The following NKAIN2 variants were observed in gnomAD, a reference collection of about 807,000 sequenced individuals.
NKAIN2 encodes sodium/potassium transporting ATPase interacting 2.
A neutral mutation model predicts 32.6 loss-of-function variants in NKAIN2; 14 were observed. The ratio of observed to expected loss-of-function variants is 0.43; its 90% confidence interval spans 0.28 to 0.67. NKAIN2 has a LOEUF of 0.67. Ranked by LOEUF, NKAIN2 falls within the 30% of genes least tolerant of loss-of-function variation. The pLI, the probability that NKAIN2 is intolerant of heterozygous loss-of-function variation, is 0.17. For missense variants in NKAIN2, 198 were observed against 258.3 expected (o/e 0.77, Z 1.60); for synonymous variants, 80 against 87.2 (o/e 0.92, Z 0.46).
intron 4 of NKAIN2, among the ~76,000 whole-genome samples, chr6:124,705,093 A>C (rs1361603217): frequency 6.6e-6 from 1 of 152,098 alleles, no homozygotes. Flanking sequence ...TTGGAAAGAA[A>C]CTAGATGCTT....
In NKAIN2 at chr6:124,697,747, C is replaced by T. The variant is rs183674414; in HGVS notation, c.474+39361C>T. ...ATAAAGCAAACATTAGGTAATATTT[C>T]TATTGTATACTAACAGGGATCAGCA... On this transcript the variant is annotated intron_variant, in intron 4 of 6. Coordinates refer to ENST00000368417, the MANE Select transcript of NKAIN2 (RefSeq NM_001040214.3). 3.4e-3 allele frequency among the ~76,000 whole-genome samples: 510 copies of T among 152,210 alleles called. 5 individuals carry two copies. The highest frequency in any genetic ancestry group is 0.012 in the African/African-American group (485 of 41,540).
intron 2 of NKAIN2, among the ~76,000 whole-genome samples, chr6:124,329,944 A>G (rs1035478855): frequency 6.6e-6 from 1 of 152,202 alleles, no homozygotes; most frequent in Admixed American, 6.5e-5. Context: ...CATACTCAGA[A>G]TATTTCCAAT....
chr6:124,710,620 A>G (rs1775393053), intron 4 of NKAIN2, among the ~76,000 whole-genome samples: 1 of 151,412 alleles, frequency 6.6e-6, no homozygotes, highest in African/African-American at 2.4e-5. Context: ...TTGTTGGTTT[A>G]AAGTCTGTTT....
intron 1 of NKAIN2, among the ~76,000 whole-genome samples, chr6:123,991,293 C>T (rs1451101231): frequency 6.6e-6 from 1 of 152,112 alleles, no homozygotes; most frequent in Admixed American, 6.6e-5. Flanking sequence ...AAATGTTCCA[C>T]ACTTTAGAGC....
intron 3 of NKAIN2, among the ~76,000 whole-genome samples, chr6:124,543,266 A>G (rs1779973852): frequency 6.6e-6 from 1 of 152,192 alleles, no homozygotes; most frequent in Non-Finnish European, 1.5e-5. Context: ...GAAACTCCAC[A>G]TGCTGTTATA....
chr6:123,867,370 TTA>T (rs1404268350), intron 1 of NKAIN2, among the ~76,000 whole-genome samples: 1 of 152,236 alleles, frequency 6.6e-6, no homozygotes, highest in Non-Finnish European at 1.5e-5. Flanking sequence ...TTTACTTTTA[TTA>T]GCCTTAAGAA....
intron 1 of NKAIN2, among the ~76,000 whole-genome samples, chr6:124,115,976 C>CT (rs1222530747): frequency 6.6e-6 from 1 of 151,828 alleles, no homozygotes; most frequent in Non-Finnish European, 1.5e-5. Context: ...AAAACACATA[C>CT]TTTTTACTAA....
At chr6:124,066,380 T>C (rs1298104128) in intron 1 of NKAIN2, among the ~76,000 whole-genome samples, 3 of 152,202 alleles carry the variant, frequency 2.0e-5, no homozygotes, top group African/African-American at 4.8e-5. Context: ...CTTCTCCTTT[T>C]CTGGTTGTGG....
At chr6:124,666,310 A>G (rs962275206) in intron 4 of NKAIN2, among the ~76,000 whole-genome samples, 1 of 152,342 alleles carries the variant, frequency 6.6e-6, no homozygotes, top group East Asian at 1.9e-4. Context: ...AGGAGAATGA[A>G]GGTGGTAAGT....
intron 3 of NKAIN2, among the ~76,000 whole-genome samples, chr6:124,414,365 A>G (rs1358912233): frequency 6.6e-6 from 1 of 152,182 alleles, no homozygotes; most frequent in Non-Finnish European, 1.5e-5. Context: ...CTGTATTCTT[A>G]GAATATTATC....
Position 123,828,392 on chromosome 6 carries a change from T to C in NKAIN2, c.54+24138T>C, listed in dbSNP as rs570957569. On this transcript the variant is annotated intron_variant, in intron 1 of 6. Transcript: ENST00000368417. ...GTGTGAATAATTTATATGTGAAGTG[T>C]GATACTCAAATAAATAAAAGTTAAG... is the stretch of plus-strand genomic sequence containing the variant. Among the ~76,000 whole-genome samples, 8 of 148,342 alleles carry C rather than the reference T, an allele frequency of 5.4e-5. No individual in the cohort carries two copies. The South Asian group carries it at 1.7e-3, about 32-fold the overall frequency.
intron 4 of NKAIN2, among the ~76,000 whole-genome samples, chr6:124,731,523 C>T (rs2114664902): frequency 8.0e-6 from 1 of 124,412 alleles, no homozygotes; most frequent in South Asian, 2.6e-4. Context: ...ATCACATGGA[C>T]ACAGGAAGGG....
intron 3 of NKAIN2, among the ~76,000 whole-genome samples, chr6:124,635,938 T>C (rs1450409449): frequency 6.6e-6 from 1 of 151,940 alleles, no homozygotes; most frequent in Non-Finnish European, 1.5e-5. Context: ...ATACAGCAAA[T>C]AGGCATAATA....
At chr6:124,501,809 C>G (rs1778302995) in intron 3 of NKAIN2, among the ~76,000 whole-genome samples, 1 of 152,124 alleles carries the variant, frequency 6.6e-6, no homozygotes, top group African/African-American at 2.4e-5. Context: ...TCTGGGACAG[C>G]TTCCTTATGG....
intron 3 of NKAIN2, among the ~76,000 whole-genome samples, chr6:124,594,029 G>A (rs1781999232): frequency 2.6e-5 from 4 of 152,220 alleles, no homozygotes; most frequent in Admixed American, 2.6e-4. Context: ...GGCACTGACT[G>A]TAGAAATGAG....
At chr6:124,071,814 G>T (rs1248823723) in intron 1 of NKAIN2, among the ~76,000 whole-genome samples, 5 of 152,038 alleles carry the variant, frequency 3.3e-5, no homozygotes, top group Non-Finnish European at 7.4e-5. Context: ...TTATTAAAAA[G>T]TCAAAAAGCA....
intron 1 of NKAIN2, among the ~76,000 whole-genome samples, chr6:124,192,660 G>A (rs1388206735): frequency 6.7e-6 from 1 of 149,564 alleles, no homozygotes; most frequent in Non-Finnish European, 1.5e-5. Flanking sequence ...TTTTTTTGTT[G>A]GTTACATGTT....
chr6:124,656,780 C>A (rs1784553469), intron 3 of NKAIN2, among the ~76,000 whole-genome samples: 1 of 152,182 alleles, frequency 6.6e-6, no homozygotes, highest in African/African-American at 2.4e-5. Context: ...CAGCCCACAT[C>A]TGCTACCAAG....
At chr6:124,308,885 C>T (rs1170969386) in intron 2 of NKAIN2, among the ~76,000 whole-genome samples, 3 of 152,012 alleles carry the variant, frequency 2.0e-5, no homozygotes, top group Non-Finnish European at 2.9e-5. Flanking sequence ...CTTTCAAATA[C>T]CAAAGGATTT....
Sources: gnomAD v4.1 joint callset for allele counts (sites outside exome capture counted in the v4.1 genomes callset) on GRCh38, gnomAD v4.1.1 for gene constraint, MANE v1.5 for transcripts, NCBI Gene and HGNC (gene_info 2026-07-23, HGNC 2026-07-21) for gene names.